Variants in TAF3 observed in about 807,000 individuals in gnomAD.
TAF3 encodes the protein transcription initiation factor TFIID subunit 3.
TAF3 carries 7 observed loss-of-function variants against 80.6 expected under a neutral mutation model. That is an observed-to-expected ratio of 0.09 (90% CI 0.05 to 0.16). The LOEUF (loss-of-function observed/expected upper bound fraction) is 0.16, where lower values mean the gene tolerates loss of function less well. TAF3 is among the 10% of genes least tolerant of loss of function. TAF3 has a pLI of 1.00. For missense variants in TAF3, 921 were observed against 1,140.2 expected (o/e 0.81, Z 2.77); for synonymous variants, 444 against 446.1 (o/e 1.00, Z 0.06).
chr10:7,849,586 T>A (rs1389483189), intron 2 of TAF3, among the ~76,000 whole-genome samples: 2 of 152,348 alleles, frequency 1.3e-5, no homozygotes, highest in East Asian at 3.8e-4. Flanking sequence ...TCATTTAGTA[T>A]TGCTTAGTTC....
At chr10:7,936,082 C>CA (rs2131201749) in intron 2 of TAF3, among the ~76,000 whole-genome samples, 1 of 152,234 alleles carries the variant, frequency 6.6e-6, no homozygotes, top group Non-Finnish European at 1.5e-5. Flanking sequence ...TATCGTAAAA[C>CA]AGAGAGAAGA....
At chr10:7,852,135 A>C (rs1310779781) in intron 2 of TAF3, among the ~76,000 whole-genome samples, 1 of 152,062 alleles carries the variant, frequency 6.6e-6, no homozygotes, top group Non-Finnish European at 1.5e-5. Flanking sequence ...CCCAGGCTGG[A>C]GTGCAGTGGT....
intron 2 of TAF3, among the ~76,000 whole-genome samples, chr10:7,961,054 TGA>T (rs1838184753): frequency 6.6e-6 from 1 of 152,074 alleles, no homozygotes; most frequent in South Asian, 2.1e-4. Context: ...TAAGACGACG[TGA>T]GAGATGGTTC....
chr10:7,853,322 A>C (rs140849591), intron 2 of TAF3, among the ~76,000 whole-genome samples: 2 of 152,188 alleles, frequency 1.3e-5, no homozygotes. Context: ...CCAACTCCAC[A>C]TGTGGGGGCA....
chr10:7,861,178 G>A (rs199903848), intron 2 of TAF3, among the ~76,000 whole-genome samples: 2 of 152,006 alleles, frequency 1.3e-5, no homozygotes, highest in African/African-American at 2.4e-5. Flanking sequence ...GTTAGCCAGG[G>A]TGGTCTCGAT....
intron 2 of TAF3, among the ~76,000 whole-genome samples, chr10:7,857,894 C>T (rs17143038): frequency 0.15 from 21,779 of 140,744 alleles, 1,742 homozygotes; most frequent in East Asian, 0.31. Flanking sequence ...CCCCAGGGTT[C>T]TTTTCAACAT....
intron 2 of TAF3, among the ~76,000 whole-genome samples, chr10:7,886,306 C>G (rs1460825875): frequency 6.6e-6 from 1 of 152,192 alleles, no homozygotes; most frequent in Admixed American, 6.5e-5. Flanking sequence ...GTTTCATTCC[C>G]TTCTGAAGGA....
At position 7,963,909 on chromosome 10, in the gene TAF3, TCC is replaced by T; in HGVS notation, c.410-10_410-9del. 2 of 1,541,156 alleles carry T rather than the reference TCC, an allele frequency of 1.3e-6. No individual in the cohort carries two copies. The highest frequency in any genetic ancestry group is 1.4e-5 in the African/African-American group (1 of 72,056). On this transcript the variant is annotated splice_polypyrimidine_tract_variant and intron_variant, in intron 2 of 6. Coordinates refer to ENST00000344293, the MANE Select transcript of TAF3 (RefSeq NM_031923.4). Reference sequence around the variant, plus strand: ...TATTTATTTTTTTCTTCCTTTTTCTTCCTTTACCAGAAGAAGAAGAAGAGCAG... The same window carrying T: ...TATTTATTTTTTTCTTCCTTTTTCTTTTTACCAGAAGAAGAAGAAGAGCAG...
chr10:7,965,697 G>A lies in TAF3; in HGVS notation c.2187G>A (p.Glu729=). 6.5e-7 allele frequency: 1 copy of A among 1,542,962 alleles called. No individual in the cohort carries two copies. Among genetic ancestry groups the A allele is most frequent in the Non-Finnish European group, 8.7e-7 (1 of 1,151,056 alleles). Residue 729 remains glutamate (E), a synonymous_variant, in exon 3 of 7, where the codon GAG becomes GAA. Coordinates refer to ENST00000344293, the MANE Select transcript of TAF3 (RefSeq NM_031923.4). Reference sequence around the variant, plus strand: ...AGGAAAGAGAGAAAGAGAAGAGAGAGCGAGAGAAGAGAGAAAAAGAGAAGG... The same window carrying A: ...AGGAAAGAGAGAAAGAGAAGAGAGAACGAGAGAAGAGAGAAAAAGAGAAGG... ...KEKEREKEKR[E]REKREKEKEK... is the part of the protein sequence containing the mutation.
Position 8,009,388 on chromosome 10 carries a change from T to C in TAF3, c.2568+58T>C. 1 of 1,526,884 alleles carries C rather than the reference T, an allele frequency of 6.5e-7. No individual in the cohort carries two copies. Among genetic ancestry groups the C allele is most frequent in the South Asian group, 1.2e-5 (1 of 84,624 alleles). The allele number at this position is 1,526,884 out of a possible 1,614,324, so 94.6% of individuals were successfully genotyped here. A position where few individuals can be genotyped will look rare whatever the true frequency, so the allele number is the denominator to read the frequency against. ...AGACGTTTTCAGATCGAGACAAGTG[T>C]GTGCTCTGAATCACTATCGAATTTC... On this transcript the variant is annotated intron_variant, in intron 5 of 6. Transcript: ENST00000344293. The surrounding 1 kb of genome is among the most constrained non-coding windows in gnomAD (Gnocchi z 4.1).
At chr10:7,860,009 G>T (rs1212831715) in intron 2 of TAF3, among the ~76,000 whole-genome samples, 1 of 152,186 alleles carries the variant, frequency 6.6e-6, no homozygotes, top group Non-Finnish European at 1.5e-5. Flanking sequence ...GGTGGCTCAT[G>T]CCTGTAATCC....
rs751311956 is a variant in TAF3 at position 8,009,995 on chromosome 10, C to A, written c.2568+665C>A. Among the ~76,000 whole-genome samples the A allele has an allele frequency of 1.3e-5, 2 of 151,262 alleles. No individual in the cohort carries two copies. Among genetic ancestry groups the A allele is most frequent in the Non-Finnish European group, 3.0e-5 (2 of 67,758 alleles). ...GGTACGATCTCGGCTCACTGCAGCC[C>A]CTGCCTCCCAGGCTCAAGCGATCCT... On this transcript the variant is annotated intron_variant, in intron 5 of 6. Coordinates refer to ENST00000344293, the MANE Select transcript of TAF3 (RefSeq NM_031923.4). The surrounding 1 kb of genome is among the most constrained non-coding windows in gnomAD (Gnocchi z 4.1).
chr10:7,941,684 G>A (rs1408268267), intron 2 of TAF3, among the ~76,000 whole-genome samples: 7 of 152,172 alleles, frequency 4.6e-5, no homozygotes, highest in African/African-American at 1.2e-4. Flanking sequence ...TGTTAGGTCG[G>A]GAAAATAGTA....
At chr10:7,876,844 A>G (rs1012085778) in intron 2 of TAF3, among the ~76,000 whole-genome samples, 1 of 152,158 alleles carries the variant, frequency 6.6e-6, no homozygotes, top group Admixed American at 6.5e-5. Context: ...AACTTTGGGA[A>G]GTGCATGATT....
chr10:8,002,625 T>C (rs1831955001), intron 4 of TAF3, among the ~76,000 whole-genome samples: 1 of 152,216 alleles, frequency 6.6e-6, no homozygotes, highest in South Asian at 2.1e-4. Flanking sequence ...TTTCTTTCAT[T>C]GTTCAGTATA....
intron 2 of TAF3, among the ~76,000 whole-genome samples, chr10:7,874,657 A>G (rs931120643): frequency 2.0e-5 from 3 of 151,548 alleles, no homozygotes; most frequent in Non-Finnish European, 1.5e-5. Flanking sequence ...ATTAATTAAT[A>G]TATTAAAAAT....
intron 2 of TAF3, among the ~76,000 whole-genome samples, chr10:7,870,036 T>A (rs1837250217): frequency 6.6e-6 from 1 of 152,146 alleles, no homozygotes; most frequent in Non-Finnish European, 1.5e-5. Context: ...TTTAAAAAAA[T>A]TAGATAATTA....
chr10:7,916,548 A>T (rs997784010), intron 2 of TAF3, among the ~76,000 whole-genome samples: 11 of 152,308 alleles, frequency 7.2e-5, no homozygotes, highest in African/African-American at 2.4e-4. Context: ...CATGTTTAAC[A>T]CATAATTTTC....
chr10:7,872,357 T>C (rs1837275858), intron 2 of TAF3, among the ~76,000 whole-genome samples: 1 of 152,182 alleles, frequency 6.6e-6, no homozygotes, highest in African/African-American at 2.4e-5. Context: ...CCTTATTCTT[T>C]GTGGCAGAGT....
Sources: gnomAD v4.1 joint callset for allele counts (sites outside exome capture counted in the v4.1 genomes callset) on GRCh38, gnomAD v4.1.1 for gene constraint, Gnocchi (gnomAD v3.1) non-coding constraint, MANE v1.5 for transcripts, NCBI Gene and HGNC (gene_info 2026-07-23, HGNC 2026-07-21) for gene names.